Variants in ASAP2 observed in about 807,000 individuals in gnomAD.
The protein encoded by ASAP2 is arf-GAP with SH3 domain, ANK repeat and PH domain-containing protein 2.
A neutral mutation model predicts 131.4 loss-of-function variants in ASAP2; 45 were observed. That is an observed-to-expected ratio of 0.34 (90% CI 0.27 to 0.44). The LOEUF (loss-of-function observed/expected upper bound fraction) is 0.44. Ranked by LOEUF, ASAP2 falls within the 20% of genes least tolerant of loss-of-function variation. The pLI is 1.00. For synonymous variants in ASAP2, 510 were observed against 503.0 expected (o/e 1.01, Z -0.19); for missense variants, 1,011 against 1,297.0 (o/e 0.78, Z 3.39).
chr2:9,397,192 T>G (rs1676213309), intron 24 of ASAP2, among the ~76,000 whole-genome samples: 1 of 152,148 alleles, frequency 6.6e-6, no homozygotes, highest in African/African-American at 2.4e-5. Context: ...ATTTACGCTT[T>G]CCATGCTGCT....
rs534314001 is a variant in ASAP2, at chr2:9,343,947, A to AC, written c.850-579dup. Among the ~76,000 whole-genome samples, 59 of 152,262 alleles carry AC rather than the reference A, an allele frequency of 3.9e-4. No individual in the cohort carries two copies. In the South Asian group the frequency reaches 0.012, roughly 31 times the overall value. On this transcript the variant is annotated intron_variant, in intron 9 of 27. Coordinates refer to ENST00000281419, the MANE Select transcript of ASAP2 (RefSeq NM_003887.3). ...ATTAAGCTCCCTTGGTCAGGGTCAG[A>AC]CCCCCCTTACTCAAGATTGGTGGAG...
chr2:9,229,342 A>AGCCCC (rs1558250238), intron 1 of ASAP2, among the ~76,000 whole-genome samples: 1 of 152,122 alleles, frequency 6.6e-6, no homozygotes, highest in Non-Finnish European at 1.5e-5. Flanking sequence ...AGTGAGCCTC[A>AGCCCC]GCCCCACCTC....
At chr2:9,210,549 G>A (rs1661456882) in intron 1 of ASAP2, among the ~76,000 whole-genome samples, 1 of 151,850 alleles carries the variant, frequency 6.6e-6, no homozygotes. Flanking sequence ...CCGTGTATCT[G>A]TTAACCCATG....
In ASAP2 at chr2:9,335,147, T is replaced by C. The variant is rs148914998; in HGVS notation, c.817T>C (p.Leu273=). 1.5e-5 allele frequency: 25 copies of C among 1,614,056 alleles called. 1 individual carries two copies. The African/African-American group carries it at 3.2e-4, about 21-fold the overall frequency. Residue 273 remains leucine (L), a synonymous_variant, in exon 9 of 28, where the codon TTG becomes CTG. Transcript: ENST00000281419. Reference sequence around the variant, plus strand: ...GCAGTTGATACAGCTTCGAGATATTTTGAAATCCGCATTGCAGGTTGAACA... The same window carrying C: ...GCAGTTGATACAGCTTCGAGATATTCTGAAATCCGCATTGCAGGTTGAACA... ...RRQLIQLRDI[L]KSALQVEQKE...
At chr2:9,216,453 ATTTTTTTTTTT>A (rs999787414) in intron 1 of ASAP2, among the ~76,000 whole-genome samples, 3 of 85,420 alleles carry the variant, frequency 3.5e-5, no homozygotes, top group South Asian at 3.8e-4. Context: ...TGCCTGTTTA[ATTTTTTTTTTT>A]TTTTTTTTTT....
chr2:9,342,312 A>G (rs779510055), intron 9 of ASAP2, among the ~76,000 whole-genome samples: 7 of 152,260 alleles, frequency 4.6e-5, no homozygotes, highest in Admixed American at 3.3e-4. Context: ...GCATAAGGAG[A>G]GACATATAGA....
intron 15 of ASAP2, among the ~76,000 whole-genome samples, chr2:9,366,334 A>G (rs766846345): frequency 7.9e-5 from 12 of 151,924 alleles, no homozygotes; most frequent in Non-Finnish European, 1.6e-4. Flanking sequence ...CCCCACCCCC[A>G]TCTGCTTAAC....
At chr2:9,323,289 G>A in intron 6 of ASAP2, 39 bp downstream of exon 6, 2 of 1,611,800 alleles carry the variant, frequency 1.2e-6, no homozygotes. Context: ...AGCCCAGGCT[G>A]TGCCGGCTCT....
At chr2:9,295,138 T>G (rs1440957422) in intron 2 of ASAP2, among the ~76,000 whole-genome samples, 1 of 152,246 alleles carries the variant, frequency 6.6e-6, no homozygotes, top group Non-Finnish European at 1.5e-5. Context: ...AACTGGATTT[T>G]AAAAATCTAA....
intron 1 of ASAP2, among the ~76,000 whole-genome samples, chr2:9,273,562 G>A (rs1415067729): frequency 6.6e-6 from 1 of 152,194 alleles, no homozygotes; most frequent in African/African-American, 2.4e-5. Context: ...ATTATTATTC[G>A]AATCAGTCTC....
intron 18 of ASAP2, 38 bp downstream of exon 18, chr2:9,377,031 C>T: frequency 1.9e-6 from 3 of 1,564,972 alleles, no homozygotes; most frequent in East Asian, 2.2e-5. Flanking sequence ...CTCGTTTTCT[C>T]CTTGGTATTT....
At chr2:9,391,267 G>A in intron 23 of ASAP2, 71 bp downstream of exon 23, 2 of 1,545,408 alleles carry the variant, frequency 1.3e-6, no homozygotes, top group Non-Finnish European at 1.7e-6. Context: ...GTGCTCTCTG[G>A]AGCCACACAG....
intron 1 of ASAP2, among the ~76,000 whole-genome samples, chr2:9,260,370 T>G (rs1004503336): frequency 6.6e-6 from 1 of 152,124 alleles, no homozygotes; most frequent in Non-Finnish European, 1.5e-5. Flanking sequence ...CTTCGGGCCC[T>G]CCCTCAGCTC....
intron 1 of ASAP2, among the ~76,000 whole-genome samples, chr2:9,209,357 G>T (rs1342952961): frequency 6.6e-6 from 1 of 152,154 alleles, no homozygotes; most frequent in African/African-American, 2.4e-5. Flanking sequence ...GGTGTCTAAT[G>T]TTCGTGTCTA....
At position 9,228,310 on chromosome 2, in the gene ASAP2, A is replaced by G. The variant is rs573751581; in HGVS notation, c.126+21080A>G. Among the ~76,000 whole-genome samples, 11 of 152,308 alleles carry G rather than the reference A, an allele frequency of 7.2e-5. 1 individual carries two copies. In the South Asian group the frequency reaches 2.3e-3, roughly 32 times the overall value. On this transcript the variant is annotated intron_variant, in intron 1 of 27. Transcript: ENST00000281419. ...TGTCATCTGTCATGGTGAGTATTCC[A>G]GTTACAATGCATATTTCTTTTTTTC... is the stretch of plus-strand genomic sequence containing the variant.
intron 1 of ASAP2, among the ~76,000 whole-genome samples, chr2:9,229,911 T>C (rs886551042): frequency 5.3e-5 from 8 of 152,176 alleles, no homozygotes; most frequent in Admixed American, 2.6e-4. Flanking sequence ...TGATGCTGAT[T>C]TCTGCAGCCC....
intron 23 of ASAP2, among the ~76,000 whole-genome samples, chr2:9,393,146 G>C (rs925435740): frequency 9.2e-5 from 14 of 152,202 alleles, no homozygotes; most frequent in Non-Finnish European, 1.6e-4. Flanking sequence ...GCAGAGCTGA[G>C]GGCCCCGGCC....
rs963118488 is a variant in ASAP2 at position 9,311,282 on chromosome 2, C to T, written c.346-7242C>T. Among the ~76,000 whole-genome samples the T allele has an allele frequency of 1.3e-5, 2 of 151,798 alleles. No individual in the cohort carries two copies. The highest frequency in any genetic ancestry group is 4.8e-5 in the African/African-American group (2 of 41,318). On this transcript the variant is annotated intron_variant, in intron 3 of 27. Coordinates refer to ENST00000281419, the MANE Select transcript of ASAP2 (RefSeq NM_003887.3). This position sits in a 1 kb window ranked among gnomAD's most constrained non-coding sequence, Gnocchi z 5.2. ...GCATGGTGGCTCATGCCTGTGGTCCCAGCTACTCGGGAGGCAGAGGTGGGA... is the reference window on the plus strand; with the variant it reads ...GCATGGTGGCTCATGCCTGTGGTCCTAGCTACTCGGGAGGCAGAGGTGGGA...
At chr2:9,279,277 G>T (rs1403278217) in intron 1 of ASAP2, 40 bp from the exon 2 acceptor site, 2 of 1,596,824 alleles carry the variant, frequency 1.3e-6, no homozygotes, top group Non-Finnish European at 1.7e-6. Context: ...CGTGGTCTCA[G>T]CACAGACACG....
Sources: allele counts gnomAD v4.1 joint callset (sites outside exome capture counted in the v4.1 genomes callset), GRCh38; gene constraint gnomAD v4.1.1; non-coding constraint Gnocchi (gnomAD v3.1); transcripts MANE v1.5; gene names NCBI Gene and HGNC (gene_info 2026-07-23, HGNC 2026-07-21).